ATP1A2: variants seen among roughly 807,000 people sequenced by gnomAD.
ATP1A2 encodes the protein sodium/potassium-transporting ATPase subunit alpha-2.
Under a neutral mutation model 113.1 loss-of-function variants are expected in ATP1A2, and 56 were observed. The ratio of observed to expected loss-of-function variants is 0.49; its 90% CI spans 0.40 to 0.62. ATP1A2 has a LOEUF of 0.62. Among genes scored for constraint, ATP1A2 ranks in the 20% least tolerant of loss-of-function variants. The pLI is 0.00. For missense variants in ATP1A2, 712 were observed against 1,357.8 expected, an observed-to-expected ratio of 0.52 and a Z score of 7.47; for synonymous variants, 490 against 526.8, an observed-to-expected ratio of 0.93 and a Z score of 0.96.
At chr1:160,115,984 G>A in intron 1 of ATP1A2, 111 bp downstream of exon 1, 1 of 1,499,250 alleles carries the variant, frequency 6.7e-7, no homozygotes, top group Non-Finnish European at 9.1e-7. Flanking sequence ...AGCTGAGTGG[G>A]ATACTTGGAA....
intron 13 of ATP1A2, 123 bp downstream of exon 13, chr1:160,130,720 A>G: frequency 7.3e-7 from 1 of 1,368,850 alleles, no homozygotes; most frequent in Non-Finnish European, 1.0e-6. Context: ...GACTCAGAGA[A>G]GAAGCTGTCC....
chr1:160,128,864 C>T lies in ATP1A2; in HGVS notation c.1216+14C>T, dbSNP rs200681048. ...AAGATCAGTCTGGTGATTGGGTGCT[C>T]CAGAGGGGGTGGATAGGATTAGAGG... On this transcript the variant is annotated intron_variant, in intron 9 of 22. Transcript: ENST00000361216. 3.2e-5 allele frequency: 52 copies of T among 1,613,730 alleles called. No homozygotes were observed. Among genetic ancestry groups the T allele is most frequent in the Non-Finnish European group, 3.9e-5 (46 of 1,179,930 alleles).
At chr1:160,140,230 G>A (rs1652093875) in intron 22 of ATP1A2, among the ~76,000 whole-genome samples, 1 of 152,074 alleles carries the variant, frequency 6.6e-6, no homozygotes, top group East Asian at 1.9e-4. Context: ...CCTTCCACCT[G>A]AAACCACAGA....
Position 160,123,350 on chromosome 1 carries a change from G to A in ATP1A2, c.315G>A (p.Gly105=). Residue 105 remains glycine, a synonymous_variant, in exon 4 of 23, where the codon GGG becomes GGA. Coordinates refer to ENST00000361216, the MANE Select transcript of ATP1A2 (RefSeq NM_000702.4). ...FGGFSILLWI[G]AILCFLAYGI... is the part of the protein sequence containing the mutation. ...GGTTCTCCATCCTGCTGTGGATTGG[G>A]GCTATCCTCTGCTTCCTGGCCTACG... 6.2e-7 allele frequency: 1 copy of A among 1,614,196 alleles called. No homozygotes were observed.
In ATP1A2 at chr1:160,119,818, C is replaced by T. The variant is rs1426664572; in HGVS notation, c.13-1088C>T. Among the ~76,000 whole-genome samples the T allele has an allele frequency of 2.3e-4, 26 of 111,142 alleles. 1 individual carries two copies. The East Asian group carries it at 6.4e-3, about 27-fold the overall frequency. The allele number at this position is 111,142 out of a possible 152,430, so 72.9% of individuals were successfully genotyped here. ...CTTGAGCCCAGGCAATATAGTGAGA[C>T]CTTATATCTAAAAAAAAAAAAAAAA... On this transcript the variant is annotated intron_variant, in intron 1 of 22. Transcript: ENST00000361216.
Position 160,115,883 on chromosome 1 carries a change from C to A in ATP1A2, c.12+10C>A. 6.2e-7 allele frequency: 1 copy of A among 1,601,432 alleles called. No individual in the cohort carries two copies. On this transcript the variant is annotated intron_variant, in intron 1 of 22. Transcript: ENST00000361216. ...CAAGATGGGCCGTGGGGTGAGTATC[C>A]CTAAAGAGCAGGGGTCGCAGTCTAG...
In ATP1A2 at chr1:160,129,239, A is replaced by G. The variant is rs1464240827; in HGVS notation, c.1327-27A>G. On this transcript the variant is annotated intron_variant, in intron 10 of 22. Coordinates refer to ENST00000361216, the MANE Select transcript of ATP1A2 (RefSeq NM_000702.4). ...CTCCACTCCCTTCCCTCCCATGCTG[A>G]CACTGAATTCTTGTCTCTTCTGGCA... is the stretch of plus-strand genomic sequence containing the variant. 4.3e-6 allele frequency: 7 copies of G among 1,613,950 alleles called. No homozygotes were observed. The African/African-American group carries it at 9.3e-5, about 22-fold the overall frequency.
chr1:160,127,049 T>G (rs1250963917), intron 7 of ATP1A2, among the ~76,000 whole-genome samples: 7 of 152,128 alleles, frequency 4.6e-5, no homozygotes, highest in Admixed American at 3.9e-4. Context: ...ATGTGCATGC[T>G]TTTTTCAATA....
chr1:160,131,731 T>C (rs942674479), intron 13 of ATP1A2, among the ~76,000 whole-genome samples: 1 of 151,550 alleles, frequency 6.6e-6, no homozygotes, highest in Admixed American at 6.6e-5. Context: ...CTTGGGAGGC[T>C]GAGGCAGGAG....
At chr1:160,123,145 G>A in intron 3 of ATP1A2, 68 bp from the exon 4 acceptor site, 1 of 1,560,868 alleles carries the variant, frequency 6.4e-7, no homozygotes, top group Non-Finnish European at 8.8e-7. Context: ...GGAGCTGAAG[G>A]GATGGGCATG....
At chr1:160,116,136 C>CTCTCCCT (rs1343420867) in intron 1 of ATP1A2, among the ~76,000 whole-genome samples, 33 of 151,864 alleles carry the variant, frequency 2.2e-4, no homozygotes, top group African/African-American at 7.3e-4. Context: ...CCCCCTCCAT[C>CTCTCCCT]TCTCCCTCCA....
chr1:160,141,489 G>T lies in ATP1A2; in HGVS notation c.*167G>T. The stretch of plus-strand genomic sequence containing the variant: ...AGTTGCGGGGTATATAAATTGGGGT[G>T]ATGACCCCATAGACCTAACTGTGAA... On this transcript the variant is annotated 3_prime_UTR_variant, in exon 23 of 23. Transcript: ENST00000361216. 1.2e-6 allele frequency: 1 copy of T among 811,440 alleles called. No homozygotes were observed. The highest frequency in any genetic ancestry group is 1.5e-5 in the South Asian group (1 of 67,128). The allele number at this position is 811,440 out of a possible 1,614,324, so 50.3% of individuals were successfully genotyped here. A position where few individuals can be genotyped will look rare whatever the true frequency, so the allele number is the denominator to read the frequency against.
Position 160,135,109 on chromosome 1 carries a change from A to G in ATP1A2, c.1965-36A>G. ...GGCAGGAGGGGCTGGTACAGGTGCC[A>G]GGGGTCAGCTGTCTCTGTCCCCACC... is the stretch of plus-strand genomic sequence containing the variant. On this transcript the variant is annotated intron_variant, in intron 14 of 22. Coordinates refer to ENST00000361216, the MANE Select transcript of ATP1A2 (RefSeq NM_000702.4). This position sits in a 1 kb window ranked among gnomAD's most constrained non-coding sequence, Gnocchi z 6.3. 6.2e-7 allele frequency: 1 copy of G among 1,613,270 alleles called. No homozygotes were observed. The highest frequency in any genetic ancestry group is 8.5e-7 in the Non-Finnish European group (1 of 1,179,726).
chr1:160,130,701 C>T, intron 13 of ATP1A2, 104 bp downstream of exon 13: 15 of 1,480,396 alleles, frequency 1.0e-5, no homozygotes, highest in African/African-American at 1.4e-5. Context: ...CGGTGGCCTC[C>T]TTCCCACTGA....
chr1:160,129,548 T>C (rs1331684915), intron 11 of ATP1A2, 148 bp downstream of exon 11: 78 of 1,225,606 alleles, frequency 6.4e-5, no homozygotes, highest in Non-Finnish European at 8.8e-5. Flanking sequence ...ACAGCTCATA[T>C]GACTGCATGT....
chr1:160,130,991 C>T (rs1408510464), intron 13 of ATP1A2, among the ~76,000 whole-genome samples: 1 of 152,196 alleles, frequency 6.6e-6, no homozygotes. Context: ...CTCCCAGTGG[C>T]TCAGCCCATA....
At chr1:160,130,710 G>T in intron 13 of ATP1A2, 113 bp downstream of exon 13, 1 of 1,432,354 alleles carries the variant, frequency 7.0e-7, no homozygotes, top group Non-Finnish European at 9.6e-7. Context: ...CCTTCCCACT[G>T]ACTCAGAGAA....
Position 160,130,266 on chromosome 1 carries a change from G to C in ATP1A2, c.1626G>C (p.Leu542=). 1 of 1,614,162 alleles carries C rather than the reference G, an allele frequency of 6.2e-7. No individual in the cohort carries two copies. Among genetic ancestry groups the C allele is most frequent in the Non-Finnish European group, 8.5e-7 (1 of 1,180,014 alleles). ...CCTTTCAAAATGCCTACATGGAGCT[G>C]GGGGGACTTGGGGAGCGTGTGCTGG... ...QDAFQNAYME[L]GGLGERVLGF... The change falls in exon 12 of 23, where the codon CTG becomes CTC. Residue 542 remains leucine, a synonymous_variant. Transcript: ENST00000361216.
rs781474239 is a variant in ATP1A2, at chr1:160,130,180, C to T, written c.1540C>T (p.Arg514Trp). Residue 514 changes from arginine (R) to tryptophan (W), a missense_variant, in exon 12 of 23, where the codon CGG (arginine) becomes TGG (tryptophan). Physicochemically the swap from Arg to Trp is moderately radical, Grantham distance 101 (BLOSUM62 -3). Coordinates refer to ENST00000361216, the MANE Select transcript of ATP1A2 (RefSeq NM_000702.4). ...GGGGGCCCCAGAGCGCATTCTGGAC[C>T]GGTGCTCCACCATCCTGGTGCAGGG... ...MKGAPERILD[R>W]CSTILVQGKE... 23 of 1,614,080 alleles carry T rather than the reference C, an allele frequency of 1.4e-5. No individual in the cohort carries two copies. Among genetic ancestry groups the T allele is most frequent in the Admixed American group, 5.0e-5 (3 of 60,014 alleles).
Sources: allele counts gnomAD v4.1 joint callset (sites outside exome capture counted in the v4.1 genomes callset), GRCh38; gene constraint gnomAD v4.1.1; non-coding constraint Gnocchi (gnomAD v3.1); transcripts MANE v1.5; gene names NCBI Gene and HGNC (gene_info 2026-07-23, HGNC 2026-07-21).